The following AGBL1 variants were observed in gnomAD, a reference collection of about 807,000 sequenced individuals.
AGBL1 encodes cytosolic carboxypeptidase 4.
AGBL1 carries 130 observed loss-of-function variants against 118.9 expected under a neutral mutation model. That is an observed-to-expected ratio of 1.09 (90% CI 0.95 to 1.26). The LOEUF is 1.26. AGBL1 is among the 50% of genes most tolerant of loss of function. The pLI, the probability that AGBL1 is intolerant of heterozygous loss-of-function variation, is 0.00. For synonymous variants in AGBL1, 555 were observed against 478.9 expected (o/e 1.16, Z -2.08); for missense variants, 1,584 against 1,298.1 (o/e 1.22, Z -3.38).
chr15:86,738,271 C>A (rs1348645439), intron 22 of AGBL1, among the ~76,000 whole-genome samples: 1 of 152,118 alleles, frequency 6.6e-6, no homozygotes, highest in Admixed American at 6.5e-5. Flanking sequence ...CAGCTAACAT[C>A]ATACTTGAAT....
intron 18 of AGBL1, among the ~76,000 whole-genome samples, chr15:86,486,354 T>G (rs1206258399): frequency 6.6e-6 from 1 of 152,140 alleles, no homozygotes; most frequent in Non-Finnish European, 1.5e-5. Context: ...TCCCTCCTCT[T>G]CTAAAATCTT....
At chr15:86,622,067 C>T (rs1370446856) in intron 21 of AGBL1, among the ~76,000 whole-genome samples, 1 of 152,066 alleles carries the variant, frequency 6.6e-6, no homozygotes, top group Admixed American at 6.6e-5. Context: ...GTGGCTCATG[C>T]CTGTAATACT....
intron 23 of AGBL1, among the ~76,000 whole-genome samples, chr15:86,978,837 T>C (rs1018213287): frequency 6.6e-6 from 1 of 152,164 alleles, no homozygotes; most frequent in African/African-American, 2.4e-5. Context: ...TATTTTCTCC[T>C]TGGAAATAAA....
intron 22 of AGBL1, among the ~76,000 whole-genome samples, chr15:86,735,401 C>G (rs576688122): frequency 6.6e-6 from 1 of 152,014 alleles, no homozygotes; most frequent in East Asian, 1.9e-4. Flanking sequence ...TAGATTAAAG[C>G]CATTACACAC....
At chr15:86,350,458 G>T (rs1305634721) in intron 17 of AGBL1, among the ~76,000 whole-genome samples, 1 of 152,220 alleles carries the variant, frequency 6.6e-6, no homozygotes, top group Non-Finnish European at 1.5e-5. Flanking sequence ...AAGATAATAT[G>T]AAGTGAGCAT....
rs146218774 is a variant in AGBL1 at position 86,895,035 on chromosome 15, C to G, written c.3159-12052C>G. Among the ~76,000 whole-genome samples, 214 of 136,300 alleles carry G rather than the reference C, an allele frequency of 1.6e-3. 1 individual carries two copies. Among genetic ancestry groups the G allele is most frequent in the South Asian group, 5.3e-3 (24 of 4,526 alleles). The allele number at this position is 136,300 out of a possible 152,430, so 89.4% of individuals were successfully genotyped here. A position where few individuals can be genotyped will look rare whatever the true frequency, so the allele number is the denominator to read the frequency against. On this transcript the variant is annotated intron_variant, in intron 22 of 22. Coordinates refer to ENST00000614907, the MANE Select transcript of AGBL1 (RefSeq NM_001386094.1). ...CAACAGTGTTTCATCTTTTCATATCCATCCCCTTTTGTTCCTTCTTTCTTT... is the reference window on the plus strand; with the variant it reads ...CAACAGTGTTTCATCTTTTCATATCGATCCCCTTTTGTTCCTTCTTTCTTT...
intron 18 of AGBL1, among the ~76,000 whole-genome samples, chr15:86,510,868 C>T (rs1034176310): frequency 4.6e-5 from 7 of 152,118 alleles, no homozygotes; most frequent in African/African-American, 1.4e-4. Context: ...TCATTTATTC[C>T]TCAGATAAAG....
At chr15:86,857,234 A>C (rs543746617) in intron 22 of AGBL1, among the ~76,000 whole-genome samples, 1 of 152,094 alleles carries the variant, frequency 6.6e-6, no homozygotes, top group African/African-American at 2.4e-5. Context: ...TCTACTATCT[A>C]TTCCCTACGT....
chr15:86,117,563 T>G (rs765350165), intron 1 of AGBL1, among the ~76,000 whole-genome samples: 2 of 152,192 alleles, frequency 1.3e-5, no homozygotes, highest in Non-Finnish European at 2.9e-5. Flanking sequence ...ATTTCACAGA[T>G]GAGGAAACCA....
At chr15:86,185,556 C>T (rs2077617884) in intron 5 of AGBL1, among the ~76,000 whole-genome samples, 1 of 152,132 alleles carries the variant, frequency 6.6e-6, no homozygotes, top group South Asian at 2.1e-4. Context: ...GACATATATA[C>T]CACGGAATAC....
At chr15:86,523,678 C>A (rs542140663) in intron 19 of AGBL1, among the ~76,000 whole-genome samples, 4 of 141,108 alleles carry the variant, frequency 2.8e-5, no homozygotes, top group Non-Finnish European at 1.5e-5. Context: ...GGAACGAAAT[C>A]CTCTAGGTGT....
At chr15:86,635,597 C>T (rs910556670) in intron 21 of AGBL1, among the ~76,000 whole-genome samples, 10 of 151,824 alleles carry the variant, frequency 6.6e-5, no homozygotes, top group African/African-American at 2.2e-4. Context: ...GTCTTGTGTT[C>T]TTACTCAAGG....
At chr15:86,956,608 A>T (rs757804552) in intron 23 of AGBL1, among the ~76,000 whole-genome samples, 2 of 152,168 alleles carry the variant, frequency 1.3e-5, no homozygotes, top group Non-Finnish European at 2.9e-5. Context: ...CATCCATGTC[A>T]TGGAGAGTGA....
At chr15:86,818,742 G>A (rs1409180029) in intron 22 of AGBL1, among the ~76,000 whole-genome samples, 1 of 152,192 alleles carries the variant, frequency 6.6e-6, no homozygotes, top group Non-Finnish European at 1.5e-5. Context: ...CAGGCCAGTA[G>A]TACAACATCG....
chr15:86,490,620 A>G (rs1239415558), intron 18 of AGBL1, among the ~76,000 whole-genome samples: 1 of 152,086 alleles, frequency 6.6e-6, no homozygotes, highest in Admixed American at 6.6e-5. Context: ...AGGATTTGCA[A>G]TCTGCCTCTT....
rs2080304108 is a variant in AGBL1, at chr15:86,908,048, T to C, written c.*754T>C. 1.3e-5 allele frequency: 2 copies of C among 152,234 alleles called. No homozygotes were observed. Among genetic ancestry groups the C allele is most frequent in the African/African-American group, 2.4e-5 (1 of 41,450 alleles). The allele number at this position is 152,234 out of a possible 1,614,324, so 9.4% of individuals were successfully genotyped here. The stretch of plus-strand genomic sequence containing the variant: ...TATTCATTTCAGAATCTGACAGATA[T>C]GGTTCATATGCTAGATCTGGCAGTT... On this transcript the variant is annotated 3_prime_UTR_variant, in exon 23 of 23. Coordinates refer to ENST00000614907, the MANE Select transcript of AGBL1 (RefSeq NM_001386094.1).
chr15:86,547,594 A>C (rs1164849788), intron 20 of AGBL1, among the ~76,000 whole-genome samples: 1 of 152,184 alleles, frequency 6.6e-6, no homozygotes, highest in Admixed American at 6.6e-5. Context: ...GGCCCAGATT[A>C]GTGTCAGTTA....
chr15:86,883,637 C>A (rs1412698993), intron 22 of AGBL1, among the ~76,000 whole-genome samples: 1 of 152,192 alleles, frequency 6.6e-6, no homozygotes, highest in Non-Finnish European at 1.5e-5. Context: ...CTCGCCCCGA[C>A]TCCACTCCTA....
chr15:86,363,108 GA>G (rs935130093), intron 17 of AGBL1, among the ~76,000 whole-genome samples: 85 of 152,214 alleles, frequency 5.6e-4, no homozygotes, highest in African/African-American at 2.0e-3. Flanking sequence ...CTGCCACTGG[GA>G]CAAAGGCCTG....
Sources: gnomAD v4.1 joint callset for allele counts (sites outside exome capture counted in the v4.1 genomes callset) on GRCh38, gnomAD v4.1.1 for gene constraint, MANE v1.5 for transcripts, NCBI Gene and HGNC (gene_info 2026-07-23, HGNC 2026-07-21) for gene names.